The following EDRF1 variants were observed in gnomAD, a reference collection of about 807,000 sequenced individuals.
The protein encoded by EDRF1 is erythroid differentiation-related factor 1.
Under a neutral mutation model 148.7 loss-of-function variants are expected in EDRF1, and 69 were observed. The ratio of observed to expected loss-of-function variants is 0.46; its 90% CI spans 0.38 to 0.57. The LOEUF is 0.57. Among genes scored for constraint, EDRF1 ranks in the 20% least tolerant of loss-of-function variants. The pLI is 0.00. For missense variants in EDRF1, 1,118 were observed against 1,478.7 expected (o/e 0.76, Z 4.00); for synonymous variants, 515 against 532.8 (o/e 0.97, Z 0.46).
intron 3 of EDRF1, 43 bp downstream of exon 3, chr10:125,723,177 G>A: frequency 6.5e-7 from 1 of 1,529,778 alleles, no homozygotes; most frequent in Non-Finnish European, 9.1e-7. Context: ...GAGGTGTTTT[G>A]TGATAGGTGT....
chr10:125,753,154 C>T (rs1235913385), intron 23 of EDRF1, among the ~76,000 whole-genome samples: 1 of 152,178 alleles, frequency 6.6e-6, no homozygotes, highest in Non-Finnish European at 1.5e-5. Flanking sequence ...CCATAGTTAA[C>T]AAATTATAAA....
rs776640176 is a variant in EDRF1, at chr10:125,745,864, C to T, written c.2748C>T (p.Ala916=). The T allele has an allele frequency of 1.3e-5, 21 of 1,614,154 alleles. 1 individual carries two copies. In the South Asian group the frequency reaches 2.3e-4, roughly 18 times the overall value. ...TGRLMRICAQ[A]HCGAGDELKR... is the part of the protein sequence containing the mutation. ...GGCTCATGCGGATTTGTGCGCAGGC[C>T]CACTGTGGTGCAGGGGATGAACTGA... is the stretch of plus-strand genomic sequence containing the variant. The change falls in exon 19 of 25, where the codon GCC becomes GCT. Residue 916 remains alanine (A), a synonymous_variant. Coordinates refer to ENST00000356792, the MANE Select transcript of EDRF1 (RefSeq NM_001202438.2).
At chr10:125,744,265 CTAGAATGCAGTGGCAT>C (rs2133731292) in intron 18 of EDRF1, among the ~76,000 whole-genome samples, 1 of 150,212 alleles carries the variant, frequency 6.7e-6, no homozygotes, top group South Asian at 2.1e-4. Context: ...GTCGCGCAGG[CTAGAATGCAGTGGCAT>C]AATCATAGCT....
At position 125,763,103 on chromosome 10, in the gene EDRF1, A is replaced by G. The variant is rs1304077914; in HGVS notation, c.3546-198A>G. Among the ~76,000 whole-genome samples the G allele has an allele frequency of 1.3e-5, 2 of 152,192 alleles. No homozygotes were observed. The highest frequency in any genetic ancestry group is 2.9e-5 in the Non-Finnish European group (2 of 68,032). ...AAGGAATGAGTACTGGATTTCATTG[A>G]TGTATTGAAATAAATGTGTAGAAAC... On this transcript the variant is annotated intron_variant, in intron 24 of 24. Transcript: ENST00000356792. The surrounding 1 kb of genome is among the most constrained non-coding windows in gnomAD (Gnocchi z 4.3).
intron 24 of EDRF1, among the ~76,000 whole-genome samples, chr10:125,754,781 G>A (rs1849816675): frequency 6.6e-6 from 1 of 152,058 alleles, no homozygotes; most frequent in African/African-American, 2.4e-5. Flanking sequence ...TACAAAATTT[G>A]GAAAATAGAG....
intron 12 of EDRF1, 45 bp from the exon 13 acceptor site, chr10:125,735,599 T>C: frequency 6.3e-7 from 1 of 1,594,342 alleles, no homozygotes; most frequent in Middle Eastern, 2.1e-4. Context: ...ATTCATGTAT[T>C]TTTTGATGAC....
At chr10:125,731,982 C>G (rs900500429) in intron 9 of EDRF1, 1 of 406,868 alleles carries the variant, frequency 2.5e-6, no homozygotes. Flanking sequence ...TTGTGCCTCT[C>G]TCTGGCTGAG....
intron 24 of EDRF1, among the ~76,000 whole-genome samples, chr10:125,755,911 A>AT (rs1849880910): frequency 6.6e-6 from 1 of 151,650 alleles, no homozygotes; most frequent in East Asian, 1.9e-4. Context: ...TTTTGGCTTG[A>AT]TTGACTGTTT....
In EDRF1 at chr10:125,737,904, G is replaced by A. The variant is rs775938837; in HGVS notation, c.1759-14G>A. ...ATTGGTAGTGTATTAATAATTTTAT[G>A]TTTGTTCCTCAAGCCCAGTTGTGCA... On this transcript the variant is annotated splice_polypyrimidine_tract_variant and intron_variant, in intron 13 of 24. Transcript: ENST00000356792. 2 of 1,612,808 alleles carry A rather than the reference G, an allele frequency of 1.2e-6. No individual in the cohort carries two copies. Among genetic ancestry groups the A allele is most frequent in the South Asian group, 2.2e-5 (2 of 91,056 alleles).
intron 14 of EDRF1, 100 bp downstream of exon 14, chr10:125,738,089 T>G: frequency 7.2e-7 from 1 of 1,388,826 alleles, no homozygotes; most frequent in Non-Finnish European, 1.0e-6. Flanking sequence ...TGAATTGTGT[T>G]CTGCTGCGAT....
intron 21 of EDRF1, 99 bp from the exon 22 acceptor site, chr10:125,749,313 A>G (rs989237955): frequency 1.5e-6 from 2 of 1,333,680 alleles, no homozygotes; most frequent in Non-Finnish European, 2.2e-6. Context: ...AATAAGACCT[A>G]GTAAGACCCA....
chr10:125,728,759 T>A (rs1848372965), intron 6 of EDRF1, among the ~76,000 whole-genome samples: 1 of 152,226 alleles, frequency 6.6e-6, no homozygotes, highest in Non-Finnish European at 1.5e-5. Context: ...TTAGAAAGTT[T>A]AGAATAATCT....
At chr10:125,740,009 A>G (rs79076305) in intron 15 of EDRF1, among the ~76,000 whole-genome samples, 2,621 of 152,346 alleles carry the variant, frequency 0.017, 24 homozygotes, top group Middle Eastern at 0.041. Flanking sequence ...GACAAGCAGT[A>G]ACTTAACATT....
At chr10:125,754,324 G>GTC (rs1849788749) in intron 24 of EDRF1, among the ~76,000 whole-genome samples, 1 of 152,138 alleles carries the variant, frequency 6.6e-6, no homozygotes, top group South Asian at 2.1e-4. Context: ...GTTAAACTAG[G>GTC]TAAGAACCCT....
chr10:125,739,057 A>C (rs979630783), intron 15 of EDRF1, among the ~76,000 whole-genome samples: 1 of 152,138 alleles, frequency 6.6e-6, no homozygotes, highest in Non-Finnish European at 1.5e-5. Flanking sequence ...TTCTTATTTT[A>C]ACCTAAGTTG....
chr10:125,741,393 C>A (rs1181805603), intron 17 of EDRF1, 192 bp downstream of exon 17: 2 of 641,078 alleles, frequency 3.1e-6, no homozygotes, highest in Non-Finnish European at 5.6e-6. Flanking sequence ...TCTTGGCTCA[C>A]TGAAACCTCC....
At chr10:125,752,386 G>A (rs1312517462) in intron 22 of EDRF1, among the ~76,000 whole-genome samples, 1 of 152,186 alleles carries the variant, frequency 6.6e-6, no homozygotes, top group Non-Finnish European at 1.5e-5. Context: ...TGTTCATCTG[G>A]TCTGACTTCC....
chr10:125,738,540 A>C, intron 15 of EDRF1, 95 bp downstream of exon 15: 2 of 1,419,520 alleles, frequency 1.4e-6, no homozygotes, highest in Non-Finnish European at 2.0e-6. Context: ...CATTAATTGA[A>C]AGGCATTGAG....
chr10:125,730,988 A>G (rs922325656), intron 9 of EDRF1, among the ~76,000 whole-genome samples: 26 of 152,042 alleles, frequency 1.7e-4, no homozygotes, highest in Non-Finnish European at 2.9e-4. Flanking sequence ...TAGAAAAACA[A>G]CGCACACACT....
Sources: gnomAD v4.1 joint callset for allele counts (sites outside exome capture counted in the v4.1 genomes callset) on GRCh38, gnomAD v4.1.1 for gene constraint, Gnocchi (gnomAD v3.1) non-coding constraint, MANE v1.5 for transcripts, NCBI Gene and HGNC (gene_info 2026-07-23, HGNC 2026-07-21) for gene names.